GALNT18: variants seen among roughly 807,000 people sequenced by gnomAD.
The protein encoded by GALNT18 is polypeptide N-acetylgalactosaminyltransferase 18.
Under a neutral mutation model 69.5 loss-of-function variants are expected in GALNT18, and 44 were observed. The ratio of observed to expected loss-of-function variants is 0.63; its 90% CI spans 0.50 to 0.81. The LOEUF (loss-of-function observed/expected upper bound fraction) is 0.81, where lower values mean the gene tolerates loss of function less well. Ranked by LOEUF, GALNT18 falls within the 40% of genes least tolerant of loss-of-function variation. GALNT18 has a pLI of 0.00. For missense variants in GALNT18, 715 were observed against 810.0 expected, an observed-to-expected ratio of 0.88 and a Z score of 1.42; for synonymous variants, 364 against 318.2, an observed-to-expected ratio of 1.14 and a Z score of -1.53.
At chr11:11,311,987 C>T (rs960820651) in intron 9 of GALNT18, among the ~76,000 whole-genome samples, 7 of 152,194 alleles carry the variant, frequency 4.6e-5, no homozygotes, top group Admixed American at 3.3e-4. Context: ...GACGGAGTCT[C>T]GCTCTGTTGC....
At chr11:11,559,640 GGATGC>G (rs111984415) in intron 1 of GALNT18, among the ~76,000 whole-genome samples, 57 of 23,774 alleles carry the variant, frequency 2.4e-3, no homozygotes, top group Admixed American at 6.2e-3. Context: ...TGATGGGATG[GGATGC>G]GATGGGATGG....
chr11:11,352,259 A>G (rs764967955), intron 6 of GALNT18: 2 of 1,614,020 alleles, frequency 1.2e-6, no homozygotes, highest in Non-Finnish European at 1.7e-6. Flanking sequence ...GCTGATTTTC[A>G]CTGTGGACAA....
chr11:11,366,135 C>T (rs768642471), intron 6 of GALNT18, among the ~76,000 whole-genome samples: 1 of 152,122 alleles, frequency 6.6e-6, no homozygotes. Flanking sequence ...TGCTGTTTAG[C>T]CTCTCTTGGC....
intron 10 of GALNT18, among the ~76,000 whole-genome samples, chr11:11,274,660 C>CA (rs1393250685): frequency 6.6e-6 from 1 of 152,194 alleles, no homozygotes; most frequent in Non-Finnish European, 1.5e-5. Flanking sequence ...ATCAACCTGT[C>CA]ACCTACATTA....
intron 1 of GALNT18, among the ~76,000 whole-genome samples, chr11:11,507,546 T>C (rs550169462): frequency 6.6e-6 from 1 of 152,314 alleles, no homozygotes; most frequent in Non-Finnish European, 1.5e-5. Context: ...TCCCTAACTT[T>C]TTAGTTCTTA....
Position 11,543,664 on chromosome 11 carries a change from C to T in GALNT18, c.235+77695G>A, listed in dbSNP as rs1857977024. Reference sequence around the variant, plus strand: ...AGCCTCTGTTCCTCCCCTCGCCACCCACTGACCTGATGCGAATCCCATCCA... The same window carrying T: ...AGCCTCTGTTCCTCCCCTCGCCACCTACTGACCTGATGCGAATCCCATCCA... On this transcript the variant is annotated intron_variant, in intron 1 of 10. Coordinates refer to ENST00000227756, the MANE Select transcript of GALNT18 (RefSeq NM_198516.3). The surrounding 1 kb of genome is among the most constrained non-coding windows in gnomAD (Gnocchi z 5.1). Among the ~76,000 whole-genome samples, 1 of 152,220 alleles carries T rather than the reference C, an allele frequency of 6.6e-6. No homozygotes were observed. Among genetic ancestry groups the T allele is most frequent in the Admixed American group, 6.5e-5 (1 of 15,290 alleles).
intron 10 of GALNT18, among the ~76,000 whole-genome samples, chr11:11,282,804 T>A (rs909825016): frequency 5.9e-5 from 9 of 152,184 alleles, no homozygotes; most frequent in East Asian, 1.9e-4. Context: ...CTGAGATATA[T>A]CAGTGACTAA....
At chr11:11,489,286 A>G (rs1372479361) in intron 1 of GALNT18, among the ~76,000 whole-genome samples, 1 of 152,214 alleles carries the variant, frequency 6.6e-6, no homozygotes, top group African/African-American at 2.4e-5. Flanking sequence ...GCAAACTGAT[A>G]GCTGAGAGAT....
At chr11:11,610,969 A>G (rs1859884587) in intron 1 of GALNT18, among the ~76,000 whole-genome samples, 1 of 152,226 alleles carries the variant, frequency 6.6e-6, no homozygotes, top group African/African-American at 2.4e-5. Flanking sequence ...TATAACTGCA[A>G]TAGAGAAACC....
At chr11:11,388,662 T>C (rs941601950) in intron 3 of GALNT18, among the ~76,000 whole-genome samples, 1 of 152,180 alleles carries the variant, frequency 6.6e-6, no homozygotes, top group Non-Finnish European at 1.5e-5. Flanking sequence ...GCTCGGCTAG[T>C]CCAGGTCAGC....
intron 10 of GALNT18, among the ~76,000 whole-genome samples, chr11:11,272,967 A>T (rs1339110427): frequency 1.1e-4 from 17 of 152,190 alleles, no homozygotes; most frequent in Admixed American, 5.3e-4. Flanking sequence ...TCTTTTCAAT[A>T]AATTGCCTGA....
chr11:11,603,395 C>G lies in GALNT18; in HGVS notation c.235+17964G>C, dbSNP rs982150888. 6.6e-6 allele frequency among the ~76,000 whole-genome samples: 1 copy of G among 152,162 alleles called. No individual in the cohort carries two copies. The highest frequency in any genetic ancestry group is 1.5e-5 in the Non-Finnish European group (1 of 68,042). ...TGTATGTGGCCAAAGGGAGTGTGGC[C>G]TGCCAAAGGTGGGGGAATGTATAGG... On this transcript the variant is annotated intron_variant, in intron 1 of 10. Transcript: ENST00000227756. This position sits in a 1 kb window ranked among gnomAD's most constrained non-coding sequence, Gnocchi z 4.5.
intron 1 of GALNT18, among the ~76,000 whole-genome samples, chr11:11,524,924 T>C (rs1002575962): frequency 2.6e-5 from 4 of 152,136 alleles, no homozygotes; most frequent in African/African-American, 9.7e-5. Context: ...ACACAAGCTC[T>C]GAGAAGCAAT....
intron 6 of GALNT18, among the ~76,000 whole-genome samples, chr11:11,342,328 G>C (rs148068884): frequency 6.6e-6 from 1 of 152,246 alleles, no homozygotes; most frequent in Non-Finnish European, 1.5e-5. Context: ...GGCTTCTGAG[G>C]GAAAGTAATC....
chr11:11,534,994 C>T (rs933166701), intron 1 of GALNT18, among the ~76,000 whole-genome samples: 4 of 152,236 alleles, frequency 2.6e-5, no homozygotes, highest in African/African-American at 9.6e-5. Flanking sequence ...GGTCCTGGCT[C>T]CACTACTGTC....
intron 1 of GALNT18, among the ~76,000 whole-genome samples, chr11:11,535,126 C>T (rs1857746629): frequency 6.6e-6 from 1 of 152,220 alleles, no homozygotes; most frequent in Non-Finnish European, 1.5e-5. Flanking sequence ...GGAGTATCTG[C>T]ATGGCTCTCA....
At chr11:11,273,148 A>G (rs758104397) in intron 10 of GALNT18, among the ~76,000 whole-genome samples, 19 of 152,212 alleles carry the variant, frequency 1.2e-4, no homozygotes, top group Non-Finnish European at 2.6e-4. Context: ...CTGGGCAACA[A>G]TTTCTTGAGA....
intron 10 of GALNT18, among the ~76,000 whole-genome samples, chr11:11,272,697 A>G (rs1284256128): frequency 1.3e-5 from 2 of 152,302 alleles, no homozygotes; most frequent in East Asian, 1.9e-4. Context: ...ATCAAAGCTC[A>G]ACTCCTCCAT....
chr11:11,388,216 T>C (rs1221711437), intron 3 of GALNT18, among the ~76,000 whole-genome samples: 4 of 152,130 alleles, frequency 2.6e-5, no homozygotes, highest in Non-Finnish European at 4.4e-5. Flanking sequence ...GGTGTCACAG[T>C]AGGGCATTCG....
Sources: gnomAD v4.1 joint callset for allele counts (sites outside exome capture counted in the v4.1 genomes callset) on GRCh38, gnomAD v4.1.1 for gene constraint, Gnocchi (gnomAD v3.1) non-coding constraint, MANE v1.5 for transcripts, NCBI Gene and HGNC (gene_info 2026-07-23, HGNC 2026-07-21) for gene names.